SKI: variants seen among roughly 807,000 people sequenced by gnomAD.
SKI encodes the protein SKI proto-oncogene.
In SKI, 23 loss-of-function variants were observed where a neutral mutation model predicts 59.3. The observed-to-expected ratio is 0.39, with a 90% CI of 0.28 to 0.55. The LOEUF is 0.55. Ranked by LOEUF, SKI falls within the 20% of genes least tolerant of loss-of-function variation. SKI has a pLI of 0.67. For synonymous variants in SKI, 673 were observed against 488.6 expected, an observed-to-expected ratio of 1.38 and a Z score of -4.98; for missense variants, 1,017 against 1,038.9, an observed-to-expected ratio of 0.98 and a Z score of 0.29.
chr1:2,260,871 C>T (rs1366275529), intron 1 of SKI, among the ~76,000 whole-genome samples: 1 of 152,146 alleles, frequency 6.6e-6, no homozygotes, highest in Admixed American at 6.6e-5. Context: ...ACTTCGGTTT[C>T]CTAGCTGGGA....
Position 2,303,142 on chromosome 1 carries a change from A to T in SKI, c.1095+39A>T, listed in dbSNP as rs1204815959. On this transcript the variant is annotated intron_variant, in intron 2 of 6. Coordinates refer to ENST00000378536, the MANE Select transcript of SKI (RefSeq NM_003036.4). This position sits in a 1 kb window ranked among gnomAD's most constrained non-coding sequence, Gnocchi z 5.6. ...TGTCGGGGTCCTTGGGGTGGTGGGTACTGGGCCCTTCTCCTTGGGCAGACC... is the reference window on the plus strand; with the variant it reads ...TGTCGGGGTCCTTGGGGTGGTGGGTTCTGGGCCCTTCTCCTTGGGCAGACC... 6.2e-7 allele frequency: 1 copy of T among 1,612,092 alleles called. No homozygotes were observed. The highest frequency in any genetic ancestry group is 2.2e-5 in the East Asian group (1 of 44,858).
At chr1:2,247,168 G>A (rs1415316125) in intron 1 of SKI, among the ~76,000 whole-genome samples, 2 of 152,196 alleles carry the variant, frequency 1.3e-5, no homozygotes, top group African/African-American at 4.8e-5. Context: ...GCAGTGAGCC[G>A]AGATTGTGCC....
intron 1 of SKI, among the ~76,000 whole-genome samples, chr1:2,239,669 C>T (rs928227238): frequency 5.3e-5 from 8 of 152,236 alleles, no homozygotes; most frequent in South Asian, 2.1e-4. Context: ...GATGGTTGTG[C>T]GTGGGCCTTG....
At chr1:2,294,881 C>G (rs1258105092) in intron 1 of SKI, among the ~76,000 whole-genome samples, 2 of 152,230 alleles carry the variant, frequency 1.3e-5, no homozygotes, top group African/African-American at 4.8e-5. Flanking sequence ...TACTGCCATC[C>G]CCTGTGCCTG....
intron 1 of SKI, among the ~76,000 whole-genome samples, chr1:2,258,419 C>T (rs763890758): frequency 2.0e-5 from 3 of 150,690 alleles, no homozygotes; most frequent in Non-Finnish European, 4.4e-5. Context: ...ACAGCAGAGG[C>T]GTTTGAGAAT....
intron 1 of SKI, among the ~76,000 whole-genome samples, chr1:2,244,405 A>G (rs1439657140): frequency 6.6e-6 from 1 of 152,080 alleles, no homozygotes; most frequent in Non-Finnish European, 1.5e-5. Context: ...TGGTGACACC[A>G]TGTTTCTACT....
Position 2,306,225 on chromosome 1 carries a change from G to T in SKI, c.1973G>T (p.Arg658Leu). Residue 658 changes from arginine to leucine, a missense_variant, in exon 6 of 7, where the codon CGC (arginine) becomes CTC (leucine). Coordinates refer to ENST00000378536, the MANE Select transcript of SKI (RefSeq NM_003036.4). ...TGCGACAAGGGCTGCGAGGCGGGCC[G>T]CCTGCGCGCCAAGTACTCGGCCCAG... ...RVCDKGCEAGRLRAKYSAQIE... is the reference protein window; with the variant it reads ...RVCDKGCEAGLLRAKYSAQIE... 1.3e-6 allele frequency: 2 copies of T among 1,560,320 alleles called. No individual in the cohort carries two copies. The highest frequency in any genetic ancestry group is 1.7e-6 in the Non-Finnish European group (2 of 1,153,318).
chr1:2,231,259 T>G (rs1638632185), intron 1 of SKI, among the ~76,000 whole-genome samples: 1 of 152,054 alleles, frequency 6.6e-6, no homozygotes, highest in Admixed American at 6.5e-5. Context: ...GGCTGCGTAG[T>G]GGGTCACCTG....
At position 2,229,685 on chromosome 1, in the gene SKI, G is replaced by A. The variant is rs775192483; in HGVS notation, c.919G>A (p.Val307Met). The change falls in exon 1 of 7, where the codon GTG becomes ATG. Residue 307 changes from valine to methionine, a missense_variant. Val to Met is a conservative substitution (Grantham distance 21, BLOSUM62 1). Transcript: ENST00000378536. The surrounding 1 kb of genome is among the most constrained non-coding windows in gnomAD (Gnocchi z 6.3). ...QARLGRCLDD[V>M]KEKFDYGNKY... ...GCGCCTCGGCCGCTGCCTGGACGAC[G>A]TGAAGGAGAAATTCGACTATGGCAA... The A allele has an allele frequency of 2.0e-5, 32 of 1,602,266 alleles. No homozygotes were observed. The highest frequency in any genetic ancestry group is 1.6e-4 in the Middle Eastern group (1 of 6,066).
chr1:2,288,866 C>T (rs1414075975), intron 1 of SKI, among the ~76,000 whole-genome samples: 1 of 152,186 alleles, frequency 6.6e-6, no homozygotes, highest in Admixed American at 6.5e-5. Context: ...AAACTACCCC[C>T]TCCCCCCGCC....
chr1:2,231,161 G>A (rs1169377540), intron 1 of SKI, among the ~76,000 whole-genome samples: 2 of 152,304 alleles, frequency 1.3e-5, no homozygotes, highest in Middle Eastern at 6.8e-3. Context: ...CCTGTGGGCT[G>A]GGGCCTTTCT....
In SKI at chr1:2,269,273, G is replaced by A. The variant is rs1278131133; in HGVS notation, c.970-33705G>A. On this transcript the variant is annotated intron_variant, in intron 1 of 6. Transcript: ENST00000378536. This position sits in a 1 kb window ranked among gnomAD's most constrained non-coding sequence, Gnocchi z 4.7. ...ATGTTTGATTCTCGATGCAGATCCAGCCCTGGGAAGAAAGCACCGCTGGCC... is the reference window on the plus strand; with the variant it reads ...ATGTTTGATTCTCGATGCAGATCCAACCCTGGGAAGAAAGCACCGCTGGCC... Among the ~76,000 whole-genome samples the A allele has an allele frequency of 6.6e-6, 1 of 152,222 alleles. No individual in the cohort carries two copies. The highest frequency in any genetic ancestry group is 1.5e-5 in the Non-Finnish European group (1 of 68,040).
chr1:2,254,286 G>A (rs952111269), intron 1 of SKI, among the ~76,000 whole-genome samples: 3 of 152,190 alleles, frequency 2.0e-5, no homozygotes, highest in Non-Finnish European at 4.4e-5. Flanking sequence ...GTCTCCATGC[G>A]TGGTGCCCGT....
At chr1:2,297,046 G>A (rs1332086980) in intron 1 of SKI, among the ~76,000 whole-genome samples, 2 of 151,986 alleles carry the variant, frequency 1.3e-5, no homozygotes, top group African/African-American at 4.8e-5. Context: ...CACCCGCACA[G>A]GCTCTTGGTG....
chr1:2,266,631 C>G (rs1246240705), intron 1 of SKI, among the ~76,000 whole-genome samples: 1 of 152,146 alleles, frequency 6.6e-6, no homozygotes, highest in Non-Finnish European at 1.5e-5. Context: ...TTTGGCCTTT[C>G]CAGGGAGGAG....
At chr1:2,239,095 A>G (rs1242726431) in intron 1 of SKI, among the ~76,000 whole-genome samples, 1 of 152,182 alleles carries the variant, frequency 6.6e-6, no homozygotes, top group East Asian at 1.9e-4. Flanking sequence ...CCAAACCATT[A>G]AAAAAATTAT....
At chr1:2,300,211 G>C (rs749818646) in intron 1 of SKI, among the ~76,000 whole-genome samples, 1 of 152,260 alleles carries the variant, frequency 6.6e-6, no homozygotes, top group Non-Finnish European at 1.5e-5. Flanking sequence ...GGAAGTGGCC[G>C]CGGGGCAGCG....
intron 1 of SKI, among the ~76,000 whole-genome samples, chr1:2,259,020 G>T (rs1365474010): frequency 6.6e-6 from 1 of 152,192 alleles, no homozygotes; most frequent in Non-Finnish European, 1.5e-5. Flanking sequence ...TCTTGGGCTG[G>T]CTTCTGAAAT....
intron 1 of SKI, among the ~76,000 whole-genome samples, chr1:2,248,756 T>C (rs987437233): frequency 2.6e-5 from 4 of 152,214 alleles, no homozygotes; most frequent in African/African-American, 4.8e-5. Context: ...GTGCAAATAG[T>C]GGTCAGTGTA....
Sources: gnomAD v4.1 joint callset for allele counts (sites outside exome capture counted in the v4.1 genomes callset) on GRCh38, gnomAD v4.1.1 for gene constraint, Gnocchi (gnomAD v3.1) non-coding constraint, MANE v1.5 for transcripts, NCBI Gene and HGNC (gene_info 2026-07-23, HGNC 2026-07-21) for gene names.